MBP: variants seen among roughly 807,000 people sequenced by gnomAD.
The protein encoded by MBP is Golli-MBP.
Under a neutral mutation model 35.8 loss-of-function variants are expected in MBP, and 16 were observed. That is an observed-to-expected ratio of 0.45 (90% CI 0.30 to 0.68). MBP has a LOEUF of 0.68. MBP is among the 30% of genes least tolerant of loss of function. MBP has a pLI of 0.08. For synonymous variants in MBP, 143 were observed against 159.6 expected, an observed-to-expected ratio of 0.90 and a Z score of 0.78; for missense variants, 380 against 404.7, an observed-to-expected ratio of 0.94 and a Z score of 0.52.
chr18:77,074,146 G>A (rs1003516728), intron 2 of MBP, among the ~76,000 whole-genome samples: 1 of 152,144 alleles, frequency 6.6e-6, no homozygotes, highest in African/African-American at 2.4e-5. Context: ...CTCAGTCTGG[G>A]GGTCCTTGGA....
At chr18:77,009,266 G>A (rs541424183) in intron 4 of MBP, among the ~76,000 whole-genome samples, 12 of 152,288 alleles carry the variant, frequency 7.9e-5, no homozygotes, top group African/African-American at 1.7e-4. Context: ...TTGAGAAGCC[G>A]TGGCAGCCAC....
At chr18:77,130,463 T>A (rs1168480081) in intron 1 of MBP, among the ~76,000 whole-genome samples, 1 of 142,654 alleles carries the variant, frequency 7.0e-6, no homozygotes, top group Non-Finnish European at 1.5e-5. Context: ...TCCCGACTGT[T>A]ATCCGAGGTG....
intron 3 of MBP, among the ~76,000 whole-genome samples, chr18:77,026,240 G>A (rs1286326072): frequency 6.6e-6 from 1 of 152,258 alleles, no homozygotes; most frequent in Non-Finnish European, 1.5e-5. Context: ...GCTGTCAGCC[G>A]CAACCGGAGG....
rs1474997603 is a variant in MBP, at chr18:77,101,551, G to A, written c.51+3660C>T. Among the ~76,000 whole-genome samples the A allele has an allele frequency of 6.7e-6, 1 of 150,088 alleles. No homozygotes were observed. Among genetic ancestry groups the A allele is most frequent in the Admixed American group, 6.7e-5 (1 of 14,872 alleles). On this transcript the variant is annotated intron_variant, in intron 2 of 8. Transcript: ENST00000355994. This position sits in a 1 kb window ranked among gnomAD's most constrained non-coding sequence, Gnocchi z 4.3. ...CGGAGTGCTTCTGCCTGAATCTGAT[G>A]TCTCCTGTTCTGACCCTCAACTGGC...
chr18:77,002,694 G>A (rs1262369507), intron 4 of MBP, among the ~76,000 whole-genome samples: 1 of 152,234 alleles, frequency 6.6e-6, no homozygotes, highest in Non-Finnish European at 1.5e-5. Context: ...GCTGCTAGCT[G>A]TCTAGGGCTT....
chr18:77,034,122 G>A (rs1185692547), intron 3 of MBP, among the ~76,000 whole-genome samples: 3 of 151,188 alleles, frequency 2.0e-5, no homozygotes, highest in African/African-American at 7.3e-5. Context: ...TTTAGGCAGG[G>A]TTTTCTCCAC....
At chr18:77,094,173 A>AC (rs1216105499) in intron 2 of MBP, among the ~76,000 whole-genome samples, 1 of 151,840 alleles carries the variant, frequency 6.6e-6, no homozygotes, top group African/African-American at 2.4e-5. Context: ...ATGGGTTTTC[A>AC]CCATGTTGGC....
At position 76,993,482 on chromosome 18, in the gene MBP, G is replaced by A. The variant is rs572354856; in HGVS notation, c.577-3422C>T. On this transcript the variant is annotated intron_variant, in intron 4 of 8. Transcript: ENST00000355994. ...GGAGAATTGCTTGAACCTCTGAGGCGGAGGTTGCAGTGAGCTGAGATTGCA... is the reference window on the plus strand; with the variant it reads ...GGAGAATTGCTTGAACCTCTGAGGCAGAGGTTGCAGTGAGCTGAGATTGCA... Among the ~76,000 whole-genome samples the A allele has an allele frequency of 1.8e-4, 27 of 151,590 alleles. 1 individual carries two copies. In the South Asian group the frequency reaches 4.8e-3, roughly 27 times the overall value.
At chr18:77,009,460 G>A (rs1271936989) in intron 4 of MBP, among the ~76,000 whole-genome samples, 1 of 152,214 alleles carries the variant, frequency 6.6e-6, no homozygotes, top group Non-Finnish European at 1.5e-5. Flanking sequence ...AAGCAAACTC[G>A]GGTATGCACG....
At chr18:77,124,625 C>T (rs1337829578) in intron 1 of MBP, among the ~76,000 whole-genome samples, 1 of 152,188 alleles carries the variant, frequency 6.6e-6, no homozygotes, top group Non-Finnish European at 1.5e-5. Context: ...AGCAAAGTCT[C>T]CCTCGGGGCC....
At chr18:77,026,150 C>T (rs1288655405) in intron 3 of MBP, among the ~76,000 whole-genome samples, 2 of 152,248 alleles carry the variant, frequency 1.3e-5, no homozygotes, top group Non-Finnish European at 2.9e-5. Flanking sequence ...CCTGCCGCCT[C>T]GTTTCAGGGA....
chr18:76,981,032 G>A (rs1317876715), intron 8 of MBP: 1 of 156,182 alleles, frequency 6.4e-6, no homozygotes, highest in African/African-American at 2.4e-5. Context: ...TTGACTTGAA[G>A]GGGTCTTAAA....
intron 2 of MBP, among the ~76,000 whole-genome samples, chr18:77,089,520 G>A (rs557507299): frequency 5.3e-4 from 80 of 152,342 alleles, no homozygotes; most frequent in African/African-American, 1.8e-3. Flanking sequence ...CTGAGGGGCA[G>A]CAGGGGTTCT....
rs375050985 is a variant in MBP, at chr18:77,007,401, C to T, written c.576+9431G>A. Among the ~76,000 whole-genome samples, 44 of 152,288 alleles carry T rather than the reference C, an allele frequency of 2.9e-4. 1 individual carries two copies. The highest frequency in any genetic ancestry group is 7.7e-4 in the East Asian group (4 of 5,166). ...ACCCCTGGGGGCTCTCAGACCAGCC[C>T]GCCTGCACCCTCTGTGTGCACCTCC... On this transcript the variant is annotated intron_variant, in intron 4 of 8. Coordinates refer to ENST00000355994, the MANE Select transcript of MBP (RefSeq NM_001025101.2).
intron 7 of MBP, chr18:76,985,326 C>T (rs537517867): frequency 7.7e-6 from 10 of 1,292,510 alleles, no homozygotes; most frequent in East Asian, 5.5e-5. Flanking sequence ...GTGTAGGTGC[C>T]GGTCCCCGGA....
Position 76,990,028 on chromosome 18 carries a change from G to A in MBP, c.609C>T (p.Tyr203=), listed in dbSNP as rs470797. 271,736 of 1,612,088 alleles carry A rather than the reference G, an allele frequency of 0.17. 25,046 individuals are homozygous for A. The highest frequency in any genetic ancestry group is 0.37 in the East Asian group (16,610 of 44,818). Residue 203 remains tyrosine (Y), a synonymous_variant, in exon 5 of 9, where the codon TAC becomes TAT. Coordinates refer to ENST00000355994, the MANE Select transcript of MBP (RefSeq NM_001025101.2). ...CGTGTGACTTCTGGGGCAGGGAGCC[G>A]TAGTGAGCAGTTCTTGCCGGGTGGT... is the stretch of plus-strand genomic sequence containing the variant. ...DSHHPARTAH[Y]GSLPQKSHGR...
chr18:76,988,666 C>G lies in MBP; in HGVS notation c.718-139G>C. ...CCACCCGGAGCTCCGAGGGGGGCCG[C>G]AGGCTCAGGGCCACAGCGGCTGTGC... On this transcript the variant is annotated intron_variant, in intron 6 of 8. Transcript: ENST00000355994. The surrounding 1 kb of genome is among the most constrained non-coding windows in gnomAD (Gnocchi z 5.2). 6.8e-7 allele frequency: 1 copy of G among 1,476,678 alleles called. No homozygotes were observed. Among genetic ancestry groups the G allele is most frequent in the Non-Finnish European group, 9.1e-7 (1 of 1,104,936 alleles). The allele number at this position is 1,476,678 out of a possible 1,614,324, so 91.5% of individuals were successfully genotyped here.
At chr18:77,130,046 C>A (rs1205160064) in intron 1 of MBP, among the ~76,000 whole-genome samples, 457 of 129,090 alleles carry the variant, frequency 3.5e-3, no homozygotes, top group Middle Eastern at 3.8e-3. Flanking sequence ...AAGACTCTGT[C>A]AAAAAAAAAA....
chr18:77,076,412 T>C (rs647963), intron 2 of MBP, among the ~76,000 whole-genome samples: 87,258 of 152,120 alleles, frequency 0.57, 25,337 homozygotes, highest in South Asian at 0.71. Context: ...GGGCAGTTTT[T>C]CAGCAGCTTC....
Sources: gnomAD v4.1 joint callset for allele counts (sites outside exome capture counted in the v4.1 genomes callset) on GRCh38, gnomAD v4.1.1 for gene constraint, Gnocchi (gnomAD v3.1) non-coding constraint, MANE v1.5 for transcripts, NCBI Gene and HGNC (gene_info 2026-07-23, HGNC 2026-07-21) for gene names.